The following GRIN2A variants were observed in gnomAD, a reference collection of about 807,000 sequenced individuals.
GRIN2A encodes the protein glutamate receptor ionotropic, NMDA 2A.
Under a neutral mutation model 113.4 loss-of-function variants are expected in GRIN2A, and 22 were observed. The observed-to-expected ratio is 0.19, with a 90% CI of 0.14 to 0.28. The LOEUF is 0.28. Ranked by LOEUF, GRIN2A falls within the 10% of genes least tolerant of loss-of-function variation. The pLI is 1.00. For missense variants in GRIN2A, 1,502 were observed against 1,887.0 expected, an observed-to-expected ratio of 0.80 and a Z score of 3.78; for synonymous variants, 827 against 738.4, an observed-to-expected ratio of 1.12 and a Z score of -1.94.
At chr16:9,927,433 G>C (rs749789553) in intron 3 of GRIN2A, among the ~76,000 whole-genome samples, 26 of 152,202 alleles carry the variant, frequency 1.7e-4, no homozygotes, top group Non-Finnish European at 3.7e-4. Flanking sequence ...TAACGAGGAA[G>C]TCAGTTAGAG....
At chr16:9,862,954 T>C (rs1438986802) in intron 4 of GRIN2A, among the ~76,000 whole-genome samples, 1 of 152,194 alleles carries the variant, frequency 6.6e-6, no homozygotes, top group Non-Finnish European at 1.5e-5. Context: ...GGTACTGTGA[T>C]CACCCCAACG....
chr16:10,178,234 C>T (rs1203822267), intron 2 of GRIN2A, among the ~76,000 whole-genome samples: 1 of 152,192 alleles, frequency 6.6e-6, no homozygotes, highest in Non-Finnish European at 1.5e-5. Flanking sequence ...CATACAAAAG[C>T]CCTCTAGGCT....
At chr16:9,901,744 T>A (rs780619334) in intron 3 of GRIN2A, among the ~76,000 whole-genome samples, 69 of 152,018 alleles carry the variant, frequency 4.5e-4, no homozygotes, top group South Asian at 1.5e-3. Flanking sequence ...AGCCACCACA[T>A]CCCACGCCTG....
intron 2 of GRIN2A, among the ~76,000 whole-genome samples, chr16:9,943,724 A>T (rs2044947763): frequency 6.6e-6 from 1 of 152,188 alleles, no homozygotes; most frequent in South Asian, 2.1e-4. Context: ...CAGCTCAGTC[A>T]TCGTGAGATG....
intron 11 of GRIN2A, among the ~76,000 whole-genome samples, chr16:9,784,097 C>T (rs924789752): frequency 1.3e-5 from 2 of 152,006 alleles, no homozygotes; most frequent in African/African-American, 2.4e-5. Context: ...ATAGCAAACC[C>T]GTACATGTAC....
chr16:9,989,849 A>T (rs564691472), intron 2 of GRIN2A, among the ~76,000 whole-genome samples: 28 of 152,340 alleles, frequency 1.8e-4, no homozygotes, highest in Non-Finnish European at 2.5e-4. Flanking sequence ...ATCTCACTCC[A>T]GTCAGAATGG....
At chr16:10,010,318 A>G (rs1183924660) in intron 2 of GRIN2A, among the ~76,000 whole-genome samples, 1 of 152,206 alleles carries the variant, frequency 6.6e-6, no homozygotes, top group Non-Finnish European at 1.5e-5. Flanking sequence ...AGTCCTCCAG[A>G]GTTTTCAAGA....
chr16:10,132,533 C>T (rs2049087765), intron 2 of GRIN2A, among the ~76,000 whole-genome samples: 1 of 152,078 alleles, frequency 6.6e-6, no homozygotes, highest in Non-Finnish European at 1.5e-5. Flanking sequence ...GGCTTTCTGA[C>T]CTAACTCCTC....
chr16:9,837,440 G>C (rs1383637125), intron 7 of GRIN2A, among the ~76,000 whole-genome samples: 1 of 152,160 alleles, frequency 6.6e-6, no homozygotes, highest in Non-Finnish European at 1.5e-5. Context: ...AAACTGGGTT[G>C]AGGCCAGATT....
intron 4 of GRIN2A, among the ~76,000 whole-genome samples, chr16:9,876,365 C>A (rs1250217266): frequency 6.6e-6 from 1 of 152,150 alleles, no homozygotes; most frequent in East Asian, 1.9e-4. Flanking sequence ...CCTTTCTACC[C>A]CTACGTCCTC....
At chr16:10,004,119 G>T (rs1008844330) in intron 2 of GRIN2A, among the ~76,000 whole-genome samples, 37 of 152,218 alleles carry the variant, frequency 2.4e-4, no homozygotes, top group African/African-American at 8.9e-4. Context: ...GGCCCGGCAT[G>T]GTGGCTCACA....
chr16:9,978,973 C>A (rs374472456), intron 2 of GRIN2A, among the ~76,000 whole-genome samples: 2 of 152,320 alleles, frequency 1.3e-5, no homozygotes, highest in East Asian at 3.9e-4. Context: ...CCGACTCCCA[C>A]AACGAAACCT....
At chr16:9,838,953 T>C (rs891231247) in intron 7 of GRIN2A, among the ~76,000 whole-genome samples, 1 of 152,136 alleles carries the variant, frequency 6.6e-6, no homozygotes, top group Non-Finnish European at 1.5e-5. Flanking sequence ...TTACCTACAA[T>C]GTACACTATT....
chr16:9,825,002 A>G (rs2042359264), intron 9 of GRIN2A, among the ~76,000 whole-genome samples: 1 of 152,118 alleles, frequency 6.6e-6, no homozygotes, highest in Admixed American at 6.5e-5. Context: ...AAAGAATCCA[A>G]TATGGGCTTT....
At chr16:9,901,645 G>C (rs565423724) in intron 3 of GRIN2A, among the ~76,000 whole-genome samples, 1 of 152,188 alleles carries the variant, frequency 6.6e-6, no homozygotes, top group East Asian at 1.9e-4. Flanking sequence ...ATTTTTAGTA[G>C]AGAAGGGGTT....
chr16:9,960,165 A>G (rs1465607255), intron 2 of GRIN2A, among the ~76,000 whole-genome samples: 5 of 152,216 alleles, frequency 3.3e-5, no homozygotes, highest in Admixed American at 2.0e-4. Flanking sequence ...GAGGGGCTCA[A>G]TCAACAATGT....
chr16:9,772,710 T>C (rs1200588441), intron 11 of GRIN2A, among the ~76,000 whole-genome samples: 1 of 152,058 alleles, frequency 6.6e-6, no homozygotes, highest in African/African-American at 2.4e-5. Flanking sequence ...AAATGGGTCT[T>C]CTCACTATGA....
intron 3 of GRIN2A, among the ~76,000 whole-genome samples, chr16:9,908,290 CT>C (rs1411433832): frequency 4.6e-5 from 7 of 152,254 alleles, no homozygotes; most frequent in African/African-American, 1.7e-4. Flanking sequence ...AGGTCACCCT[CT>C]TGGTGGGAGA....
chr16:10,158,133 C>G (rs577120847), intron 2 of GRIN2A, among the ~76,000 whole-genome samples: 2 of 152,070 alleles, frequency 1.3e-5, no homozygotes, highest in Non-Finnish European at 2.9e-5. Context: ...GCCTCTCGAG[C>G]AGCTGGGACC....
Sources: allele counts gnomAD v4.1 joint callset (sites outside exome capture counted in the v4.1 genomes callset), GRCh38; gene constraint gnomAD v4.1.1; transcripts MANE v1.5; gene names NCBI Gene and HGNC (gene_info 2026-07-23, HGNC 2026-07-21).